The following PARP8 variants were observed in gnomAD, a reference collection of about 807,000 sequenced individuals.
PARP8 encodes poly(ADP-ribose) polymerase family member 8.
Under a neutral mutation model 124.1 loss-of-function variants are expected in PARP8, and 51 were observed. The observed-to-expected ratio is 0.41, with a 90% confidence interval of 0.33 to 0.52. PARP8 has a LOEUF of 0.52. Among genes scored for constraint, PARP8 ranks in the 20% least tolerant of loss-of-function variants. The pLI is 0.21. For missense variants in PARP8, 860 were observed against 1,018.9 expected, an observed-to-expected ratio of 0.84 and a Z score of 2.12; for synonymous variants, 391 against 361.5, an observed-to-expected ratio of 1.08 and a Z score of -0.93.
chr5:50,782,783 C>T (rs1740814629), intron 9 of PARP8, among the ~76,000 whole-genome samples: 1 of 152,044 alleles, frequency 6.6e-6, no homozygotes, highest in Non-Finnish European at 1.5e-5. Context: ...AATCAGAAAA[C>T]AAACCACTCT....
At chr5:50,721,572 G>A (rs1418700593) in intron 2 of PARP8, among the ~76,000 whole-genome samples, 1 of 152,006 alleles carries the variant, frequency 6.6e-6, no homozygotes, top group African/African-American at 2.4e-5. Flanking sequence ...ATAACCGATT[G>A]TATTGTTCTG....
At chr5:50,803,871 A>AT (rs1265690900) in intron 14 of PARP8, among the ~76,000 whole-genome samples, 1 of 151,650 alleles carries the variant, frequency 6.6e-6, no homozygotes, top group Non-Finnish European at 1.5e-5. Context: ...TGCCTTTTTT[A>AT]TTTTTTTATT....
intron 25 of PARP8, among the ~76,000 whole-genome samples, chr5:50,839,666 T>TCTCTC (rs1554072254): frequency 1.4e-5 from 2 of 147,488 alleles, no homozygotes; most frequent in African/African-American, 5.0e-5. Flanking sequence ...CTCTCTTTCT[T>TCTCTC]TCTCTCTCTC....
intron 2 of PARP8, among the ~76,000 whole-genome samples, chr5:50,670,276 GGA>G (rs1418181856): frequency 2.0e-5 from 3 of 152,070 alleles, no homozygotes; most frequent in Non-Finnish European, 4.4e-5. Context: ...GGAGCCTTAT[GGA>G]GAGAGAGTAT....
intron 20 of PARP8, 126 bp downstream of exon 20, chr5:50,828,182 T>A: frequency 1.8e-6 from 2 of 1,120,064 alleles, no homozygotes; most frequent in Non-Finnish European, 2.7e-6. Context: ...GATGGTCATG[T>A]AGTCAACTAC....
chr5:50,811,681 C>T (rs750271356), intron 14 of PARP8, among the ~76,000 whole-genome samples: 13 of 151,960 alleles, frequency 8.6e-5, no homozygotes, highest in Non-Finnish European at 1.5e-4. Context: ...TGTTGGTTTG[C>T]TGCACCCATT....
chr5:50,689,226 C>A (rs529224439), intron 2 of PARP8, among the ~76,000 whole-genome samples: 1 of 152,192 alleles, frequency 6.6e-6, no homozygotes, highest in African/African-American at 2.4e-5. Context: ...CCACACCATC[C>A]ACTCTTGTTA....
intron 25 of PARP8, among the ~76,000 whole-genome samples, chr5:50,840,049 G>A (rs1427167428): frequency 2.0e-5 from 3 of 151,830 alleles, no homozygotes; most frequent in African/African-American, 7.3e-5. Flanking sequence ...AGATGATGGG[G>A]ATAAGTGTAG....
At position 50,806,265 on chromosome 5, in the gene PARP8, T is replaced by C. The variant is rs937278574; in HGVS notation, c.1575+9032T>C. On this transcript the variant is annotated intron_variant, in intron 14 of 25. Coordinates refer to ENST00000281631, the MANE Select transcript of PARP8 (RefSeq NM_024615.4). ...AGATAGGATTCTAATACTGACAGAATGGCACCAGGCAGAGGTTCCTACTCT... is the reference window on the plus strand; with the variant it reads ...AGATAGGATTCTAATACTGACAGAACGGCACCAGGCAGAGGTTCCTACTCT... Among the ~76,000 whole-genome samples, 17 of 152,152 alleles carry C rather than the reference T, an allele frequency of 1.1e-4. No individual in the cohort carries two copies. The East Asian group carries it at 1.5e-3, about 14-fold the overall frequency.
intron 2 of PARP8, among the ~76,000 whole-genome samples, chr5:50,749,878 C>G (rs936550030): frequency 2.0e-5 from 3 of 152,028 alleles, no homozygotes; most frequent in Admixed American, 2.0e-4. Flanking sequence ...AATAAAAGAC[C>G]TGTCTATACT....
rs372989310 is a variant in PARP8 at position 50,841,405 on chromosome 5, C to A, written c.2463-561C>A. ...AAAGTAAACTTAGCAGGCTTGCATT[C>A]TTTTATGAACTGCCAGAATAAATAA... On this transcript the variant is annotated intron_variant, in intron 25 of 25. Transcript: ENST00000281631. Among the ~76,000 whole-genome samples, 267 of 151,842 alleles carry A rather than the reference C, an allele frequency of 1.8e-3. 2 individuals carry two copies. The highest frequency in any genetic ancestry group is 6.0e-3 in the African/African-American group (250 of 41,506).
At chr5:50,783,882 G>A (rs1740948080) in intron 9 of PARP8, among the ~76,000 whole-genome samples, 1 of 152,000 alleles carries the variant, frequency 6.6e-6, no homozygotes, top group South Asian at 2.1e-4. Flanking sequence ...TCCTGTCTTT[G>A]AATTTTATTA....
chr5:50,807,771 T>C (rs1744019928), intron 14 of PARP8, among the ~76,000 whole-genome samples: 1 of 152,054 alleles, frequency 6.6e-6, no homozygotes, highest in Non-Finnish European at 1.5e-5. Flanking sequence ...GCAATCGTTC[T>C]ATGTGTCCTT....
intron 15 of PARP8, among the ~76,000 whole-genome samples, chr5:50,818,561 T>G (rs1745381754): frequency 6.6e-6 from 1 of 152,020 alleles, no homozygotes; most frequent in Non-Finnish European, 1.5e-5. Flanking sequence ...TTTGTTTTTT[T>G]GGAGACAAGG....
intron 24 of PARP8, 108 bp downstream of exon 24, chr5:50,834,156 T>A (rs1747305370): frequency 5.6e-6 from 5 of 895,388 alleles, no homozygotes; most frequent in Non-Finnish European, 8.5e-6. Flanking sequence ...GAAAGCATTA[T>A]TCCTTATGAT....
intron 3 of PARP8, among the ~76,000 whole-genome samples, chr5:50,758,698 A>G (rs1375825896): frequency 6.6e-6 from 1 of 152,174 alleles, no homozygotes; most frequent in Non-Finnish European, 1.5e-5. Context: ...ACCATTATTA[A>G]TGAATTGATG....
At chr5:50,691,568 C>T (rs774648938) in intron 2 of PARP8, among the ~76,000 whole-genome samples, 3 of 152,024 alleles carry the variant, frequency 2.0e-5, no homozygotes, top group Non-Finnish European at 2.9e-5. Context: ...TCATCTTTAC[C>T]CACTCCATAC....
intron 7 of PARP8, among the ~76,000 whole-genome samples, chr5:50,772,792 G>T (rs1363320300): frequency 3.9e-5 from 6 of 152,176 alleles, no homozygotes; most frequent in Non-Finnish European, 8.8e-5. Flanking sequence ...TGCCGACTGG[G>T]TTCAAGCGAT....
chr5:50,846,463 C>G lies in PARP8; in HGVS notation c.*4395C>G, dbSNP rs1748621690. The G allele has an allele frequency of 6.6e-6, 1 of 151,684 alleles. No homozygotes were observed. The highest frequency in any genetic ancestry group is 1.5e-5 in the Non-Finnish European group (1 of 67,792). The allele number at this position is 151,684 out of a possible 1,614,324, so 9.4% of individuals were successfully genotyped here. ...TCTTTTATCCAGCTTTGTAATAGTT[C>G]CAACATTGTAGCGAATGTAAATGTT... On this transcript the variant is annotated 3_prime_UTR_variant, in exon 26 of 26. Transcript: ENST00000281631.
Sources: allele counts gnomAD v4.1 joint callset (sites outside exome capture counted in the v4.1 genomes callset), GRCh38; gene constraint gnomAD v4.1.1; transcripts MANE v1.5; gene names NCBI Gene and HGNC (gene_info 2026-07-23, HGNC 2026-07-21).